UACA: variants seen among roughly 807,000 people sequenced by gnomAD.
UACA encodes nuclear membrane binding protein.
UACA carries 112 observed loss-of-function variants against 160.5 expected under a neutral mutation model. The observed-to-expected ratio is 0.70, with a 90% CI of 0.60 to 0.82. The LOEUF is 0.82. Ranked by LOEUF, UACA falls within the 40% of genes least tolerant of loss-of-function variation. The probability of loss-of-function intolerance (pLI) is 0.00; values close to 1 mark genes in which losing one functional copy is unlikely to be tolerated. For synonymous variants in UACA, 557 were observed against 568.4 expected (o/e 0.98, Z 0.29); for missense variants, 1,574 against 1,614.6 (o/e 0.97, Z 0.43).
chr15:70,671,063 A>G lies in UACA; in HGVS notation c.1197T>C (p.Gly399=), dbSNP rs1266308167. The G allele has an allele frequency of 6.3e-7, 1 of 1,593,232 alleles. No individual in the cohort carries two copies. The highest frequency in any genetic ancestry group is 1.4e-5 in the African/African-American group (1 of 73,926). The change falls in exon 15 of 19, where the codon GGT becomes GGC. Residue 399 remains glycine (G), a synonymous_variant. Transcript: ENST00000322954. ...NRKEDMLLKQ[G]QMYMADSQCT... is the part of the protein sequence containing the mutation. ...CCTGTGAGTCTGCCATATACATCTG[A>G]CCTTGTTTAAGAAGCATATCTTCTT...
At chr15:70,665,785 G>A (rs1025289378) in intron 16 of UACA, among the ~76,000 whole-genome samples, 4 of 152,126 alleles carry the variant, frequency 2.6e-5, no homozygotes, top group African/African-American at 7.2e-5. Flanking sequence ...AGGACAGTAT[G>A]TACAAGTACT....
At chr15:70,673,478 T>C (rs1333089204) in intron 13 of UACA, among the ~76,000 whole-genome samples, 2 of 152,186 alleles carry the variant, frequency 1.3e-5, no homozygotes, top group African/African-American at 4.8e-5. Context: ...CCCCACAGTA[T>C]GAAAAAATAC....
At chr15:70,741,401 C>T (rs1045340393) in intron 1 of UACA, among the ~76,000 whole-genome samples, 18 of 152,102 alleles carry the variant, frequency 1.2e-4, no homozygotes, top group Non-Finnish European at 2.4e-4. Flanking sequence ...CTGTTTGATA[C>T]ATGTGCTAGT....
chr15:70,729,882 A>ACTAACAC (rs1899268785), intron 1 of UACA, among the ~76,000 whole-genome samples: 2 of 101,388 alleles, frequency 2.0e-5, no homozygotes, highest in African/African-American at 4.8e-5. Context: ...GCAGGGGCAC[A>ACTAACAC]CTGACACCTC....
chr15:70,759,133 C>A (rs1320232480), intron 1 of UACA, among the ~76,000 whole-genome samples: 1 of 152,150 alleles, frequency 6.6e-6, no homozygotes, highest in Non-Finnish European at 1.5e-5. Context: ...AAAGTGGAAT[C>A]CCCTTCTAAA....
At chr15:70,680,215 A>G (rs1897449415) in intron 9 of UACA, among the ~76,000 whole-genome samples, 1 of 152,178 alleles carries the variant, frequency 6.6e-6, no homozygotes, top group Admixed American at 6.5e-5. Context: ...GGTTGGGTGT[A>G]TGTTCTGTTT....
intron 1 of UACA, among the ~76,000 whole-genome samples, chr15:70,702,801 G>A (rs1898411823): frequency 6.6e-6 from 1 of 152,172 alleles, no homozygotes; most frequent in Admixed American, 6.6e-5. Context: ...CTGCCAGTCT[G>A]TCTCCTAGCA....
rs1283260161 is a variant in UACA, at chr15:70,687,544, T to C, written c.598A>G (p.Asn200Asp). 2 of 1,613,548 alleles carry C rather than the reference T, an allele frequency of 1.2e-6. No homozygotes were observed. Among genetic ancestry groups the C allele is most frequent in the African/African-American group, 2.7e-5 (2 of 74,870 alleles). Residue 200 changes from asparagine (N) to aspartate (D), a missense_variant, in exon 7 of 19, where the codon AAC (asparagine) becomes GAC (aspartate). Asn to Asp is a conservative substitution (Grantham distance 23). Coordinates refer to ENST00000322954, the MANE Select transcript of UACA (RefSeq NM_018003.4). ...GAGCCATGATAAAAGAATTACCTGT[T>C]TTGTTTGTCTCTGGAATTAACATCC... ...GADVNSRDKQNRTALMLGCEY... is the reference protein window; with the variant it reads ...GADVNSRDKQDRTALMLGCEY...
chr15:70,674,074 C>T (rs1054123332), intron 13 of UACA, among the ~76,000 whole-genome samples: 1 of 152,128 alleles, frequency 6.6e-6, no homozygotes, highest in African/African-American at 2.4e-5. Context: ...GTTGCCCAGG[C>T]TGGTCTCGAA....
chr15:70,711,973 T>C (rs1159355743), intron 1 of UACA, among the ~76,000 whole-genome samples: 1 of 151,502 alleles, frequency 6.6e-6, no homozygotes, highest in Non-Finnish European at 1.5e-5. Flanking sequence ...TTTATATTCA[T>C]GATATATGTA....
chr15:70,745,786 A>G (rs1331403640), intron 1 of UACA, among the ~76,000 whole-genome samples: 1 of 151,462 alleles, frequency 6.6e-6, no homozygotes, highest in African/African-American at 2.4e-5. Context: ...GGAACAGAAC[A>G]GAGGCCTCTG....
At chr15:70,679,276 G>A (rs1897398072) in intron 10 of UACA, among the ~76,000 whole-genome samples, 1 of 151,960 alleles carries the variant, frequency 6.6e-6, no homozygotes, top group Non-Finnish European at 1.5e-5. Context: ...GGTGGCACAT[G>A]CCTGTAATCC....
At chr15:70,670,965 T>A in intron 15 of UACA, 74 bp downstream of exon 15, 1 of 888,922 alleles carries the variant, frequency 1.1e-6, no homozygotes, top group Non-Finnish European at 1.7e-6. Context: ...CAATGCCGCT[T>A]TCTCCTCTCT....
chr15:70,715,546 T>A (rs1005861206), intron 1 of UACA, among the ~76,000 whole-genome samples: 1 of 152,178 alleles, frequency 6.6e-6, no homozygotes, highest in East Asian at 1.9e-4. Flanking sequence ...AAATGGGAAT[T>A]ATAAGGTTAT....
In UACA at chr15:70,677,354, T is replaced by C. The variant is rs372326354; in HGVS notation, c.1000-214A>G. ...AGCACTTTTGATTCTCTTGAGAACC[T>C]ATCAACCACCAAGTCCTACTTGTTC... On this transcript the variant is annotated intron_variant, in intron 11 of 18. Transcript: ENST00000322954. Among the ~76,000 whole-genome samples, 30 of 152,342 alleles carry C rather than the reference T, an allele frequency of 2.0e-4. 1 individual carries two copies. The East Asian group carries it at 4.0e-3, about 21-fold the overall frequency.
chr15:70,694,996 T>C, intron 3 of UACA, 21 bp downstream of exon 3: 1 of 1,571,898 alleles, frequency 6.4e-7, no homozygotes, highest in Non-Finnish European at 8.7e-7. Flanking sequence ...GTTTTATAAT[T>C]AACTATGGAG....
At chr15:70,699,399 T>C in intron 2 of UACA, 128 bp downstream of exon 2, 1 of 1,039,798 alleles carries the variant, frequency 9.6e-7, no homozygotes, top group Non-Finnish European at 1.4e-6. Context: ...GTTTGAAAGA[T>C]TTTATAGTGC....
Position 70,702,191 on chromosome 15 carries a change from T to A in UACA, c.79-2531A>T, listed in dbSNP as rs561238655. On this transcript the variant is annotated intron_variant, in intron 1 of 18. Transcript: ENST00000322954. ...TACAGTAACTCTATCTATTTCTTAT[T>A]CTTTGGAAGCTAGCTATCTTTCAAA... The A allele has an allele frequency of 2.2e-4, 257 of 1,175,424 alleles. 2 individuals are homozygous for A. In the African/African-American group the frequency reaches 3.9e-3, roughly 18 times the overall value. 72.8% of individuals were successfully genotyped at this position (1,175,424 alleles called of 1,614,324 possible).
upstream of UACA, chr15:70,763,598 C>T: frequency 2.5e-6 from 3 of 1,179,880 alleles, no homozygotes; most frequent in South Asian, 8.7e-5. Context: ...CCAATTGACC[C>T]GCTGCCCTGG....
Sources: allele counts gnomAD v4.1 joint callset (sites outside exome capture counted in the v4.1 genomes callset), GRCh38; gene constraint gnomAD v4.1.1; transcripts MANE v1.5; gene names NCBI Gene and HGNC (gene_info 2026-07-23, HGNC 2026-07-21).